TLL1: variants seen among roughly 807,000 people sequenced by gnomAD.
The protein encoded by TLL1 is tolloid like 1.
A neutral mutation model predicts 128.2 loss-of-function variants in TLL1; 49 were observed. The observed-to-expected ratio is 0.38, with a 90% CI of 0.30 to 0.48. TLL1 has a LOEUF of 0.48. TLL1 is among the 20% of genes least tolerant of loss of function. TLL1 has a pLI of 0.96. For synonymous variants in TLL1, 454 were observed against 418.8 expected (o/e 1.08, Z -1.03); for missense variants, 1,123 against 1,242.0 (o/e 0.90, Z 1.44).
At chr4:166,052,584 C>A (rs183788001) in intron 12 of TLL1, among the ~76,000 whole-genome samples, 79 of 152,190 alleles carry the variant, frequency 5.2e-4, no homozygotes, top group African/African-American at 1.9e-3. Flanking sequence ...TGTGAGCCAC[C>A]GTGCCTGGTC....
At chr4:165,902,990 TTAAGTTCTGCTCATCAAAATTAA>T (rs1322262520) in intron 1 of TLL1, among the ~76,000 whole-genome samples, 2 of 152,126 alleles carry the variant, frequency 1.3e-5, no homozygotes, top group Non-Finnish European at 2.9e-5. Context: ...TTCATCAAAA[TTAAGTTCTGCTCATCAAAATTAA>T]TAAGTTCTGC....
chr4:166,005,167 A>G (rs1737361272), intron 6 of TLL1, among the ~76,000 whole-genome samples: 1 of 152,036 alleles, frequency 6.6e-6, no homozygotes, highest in African/African-American at 2.4e-5. Context: ...AACATTTGAG[A>G]TATTGAAATA....
At chr4:165,979,965 C>T (rs956658832) in intron 1 of TLL1, among the ~76,000 whole-genome samples, 4 of 151,976 alleles carry the variant, frequency 2.6e-5, no homozygotes, top group East Asian at 1.9e-4. Context: ...GGATAATGAA[C>T]GTGACAATCA....
At chr4:165,934,179 T>G (rs865941644) in intron 1 of TLL1, among the ~76,000 whole-genome samples, 7 of 147,330 alleles carry the variant, frequency 4.8e-5, no homozygotes, top group African/African-American at 1.8e-4. Context: ...TTTGCTTTTT[T>G]TTTTTTTTTT....
intron 7 of TLL1, among the ~76,000 whole-genome samples, chr4:166,013,516 T>C (rs1737796865): frequency 6.6e-6 from 1 of 151,702 alleles, no homozygotes. Context: ...TTTTATTTCT[T>C]AATTTAAAAT....
intron 14 of TLL1, among the ~76,000 whole-genome samples, chr4:166,059,081 C>T (rs1344405601): frequency 6.6e-6 from 1 of 152,006 alleles, no homozygotes; most frequent in Non-Finnish European, 1.5e-5. Flanking sequence ...CAAAAAATAA[C>T]AAGACTACTG....
intron 9 of TLL1, chr4:166,030,365 G>T (rs1439429114): frequency 1.4e-5 from 6 of 414,080 alleles, no homozygotes; most frequent in Non-Finnish European, 2.6e-5. Context: ...ATTTGATTTT[G>T]TCTTTCAACT....
rs1471313745 is a variant in TLL1 at position 166,103,839 on chromosome 4, T to C, written c.*2963T>C. The C allele has an allele frequency of 3.1e-5, 1 of 32,548 alleles. No homozygotes were observed. Among genetic ancestry groups the C allele is most frequent in the Non-Finnish European group, 7.1e-5 (1 of 14,014 alleles). 2.0% of individuals were successfully genotyped at this position (32,548 alleles called of 1,614,324 possible). On this transcript the variant is annotated 3_prime_UTR_variant, in exon 21 of 21. Transcript: ENST00000061240. ...TGCCAAAGTCCTAACTGACTATACA[T>C]AGAAAAAAAAAAAAACACTGTTCTC...
intron 1 of TLL1, among the ~76,000 whole-genome samples, chr4:165,931,609 C>T (rs1017521234): frequency 2.6e-5 from 4 of 151,170 alleles, no homozygotes; most frequent in Non-Finnish European, 4.4e-5. Flanking sequence ...GTCCCAGCTA[C>T]TTGGGAGGCT....
intron 3 of TLL1, 65 bp downstream of exon 3, chr4:165,992,949 G>T: frequency 7.7e-7 from 1 of 1,306,926 alleles, no homozygotes; most frequent in Non-Finnish European, 1.1e-6. Flanking sequence ...ACTCATAGCA[G>T]TTCAGTTTAT....
intron 4 of TLL1, 136 bp downstream of exon 4, chr4:165,994,669 G>C: frequency 2.0e-6 from 2 of 998,032 alleles, no homozygotes; most frequent in Non-Finnish European, 3.0e-6. Context: ...ATTAACTTAG[G>C]TTATTAGTGT....
chr4:165,899,017 G>T (rs945820442), intron 1 of TLL1, among the ~76,000 whole-genome samples: 2 of 152,318 alleles, frequency 1.3e-5, no homozygotes, highest in Non-Finnish European at 1.5e-5. Context: ...TATTTGCATA[G>T]AAGTGTCTAT....
intron 1 of TLL1, among the ~76,000 whole-genome samples, chr4:165,936,657 C>T (rs896711680): frequency 2.6e-5 from 4 of 151,782 alleles, no homozygotes; most frequent in South Asian, 2.1e-4. Context: ...AGAGATCTGC[C>T]GGTCATGGTG....
chr4:166,100,031 T>G (rs17690449), intron 20 of TLL1, among the ~76,000 whole-genome samples: 9,454 of 152,190 alleles, frequency 0.062, 317 homozygotes, highest in Middle Eastern at 0.095. Context: ...GAGTGTCACT[T>G]GTGCAGGTGC....
chr4:166,031,890 C>CATACA (rs1281446517), intron 9 of TLL1, among the ~76,000 whole-genome samples: 4 of 151,978 alleles, frequency 2.6e-5, no homozygotes, highest in Admixed American at 1.3e-4. Flanking sequence ...TTCTTGAGTG[C>CATACA]CTACACTACA....
chr4:165,931,866 T>A (rs1305328790), intron 1 of TLL1, among the ~76,000 whole-genome samples: 2 of 152,110 alleles, frequency 1.3e-5, no homozygotes, highest in African/African-American at 2.4e-5. Flanking sequence ...GGCTTGATAA[T>A]TGATAAGCAG....
rs540293554 is a variant in TLL1 at position 166,063,834 on chromosome 4, C to T, written c.2008-1849C>T. On this transcript the variant is annotated intron_variant, in intron 15 of 20. Transcript: ENST00000061240. ...GGGTGGGGAACATCACGCCACACAC[C>T]GGGGCCTGTCATAAGGTGGGGGGAG... is the stretch of plus-strand genomic sequence containing the variant. Among the ~76,000 whole-genome samples the T allele has an allele frequency of 4.1e-3, 615 of 151,830 alleles. 2 individuals are homozygous for T. Among genetic ancestry groups the T allele is most frequent in the Non-Finnish European group, 6.7e-3 (452 of 67,912 alleles).
At chr4:165,977,963 T>C (rs572603400) in intron 1 of TLL1, among the ~76,000 whole-genome samples, 130 of 152,352 alleles carry the variant, frequency 8.5e-4, no homozygotes, top group Middle Eastern at 3.4e-3. Context: ...AGTGTTACTA[T>C]GAACTAATGG....
intron 9 of TLL1, among the ~76,000 whole-genome samples, chr4:166,025,819 A>C (rs1738468901): frequency 6.6e-6 from 1 of 152,122 alleles, no homozygotes; most frequent in African/African-American, 2.4e-5. Context: ...TAATATCAGA[A>C]AAATATTGAA....
Sources: gnomAD v4.1 joint callset for allele counts (sites outside exome capture counted in the v4.1 genomes callset) on GRCh38, gnomAD v4.1.1 for gene constraint, MANE v1.5 for transcripts, NCBI Gene and HGNC (gene_info 2026-07-23, HGNC 2026-07-21) for gene names.